NEO1: variants seen among roughly 807,000 people sequenced by gnomAD.
NEO1 encodes neogenin 1, also known as neogenin.
NEO1 carries 63 observed loss-of-function variants against 159.7 expected under a neutral mutation model. That is an observed-to-expected ratio of 0.39 (90% confidence interval 0.32 to 0.49). NEO1 has a LOEUF of 0.49. Ranked by LOEUF, NEO1 falls within the 20% of genes least tolerant of loss-of-function variation. The pLI is 0.85. For synonymous variants in NEO1, 633 were observed against 662.0 expected, an observed-to-expected ratio of 0.96 and a Z score of 0.67; for missense variants, 1,615 against 1,831.0, an observed-to-expected ratio of 0.88 and a Z score of 2.15.
intron 7 of NEO1, among the ~76,000 whole-genome samples, chr15:73,186,786 C>T (rs1218710258): frequency 3.3e-5 from 5 of 152,018 alleles, no homozygotes; most frequent in Admixed American, 6.6e-5. Context: ...TAGGGTAACA[C>T]GCAACAAAAT....
chr15:73,237,933 A>G lies in NEO1; in HGVS notation c.1451+1427A>G, dbSNP rs546907296. On this transcript the variant is annotated intron_variant, in intron 8 of 28. Transcript: ENST00000261908. ...GTTCTACCAGAAATGCATTTTCCTC[A>G]CATGAGTTACATCTGGCTTCTTATC... Among the ~76,000 whole-genome samples the G allele has an allele frequency of 2.0e-5, 3 of 152,302 alleles. No homozygotes were observed. The South Asian group carries it at 6.2e-4, about 32-fold the overall frequency.
intron 5 of NEO1, among the ~76,000 whole-genome samples, chr15:73,176,115 T>A (rs1334985257): frequency 1.3e-5 from 2 of 152,240 alleles, no homozygotes; most frequent in African/African-American, 4.8e-5. Context: ...TTTTTAGACA[T>A]TTTTAATTTC....
intron 1 of NEO1, among the ~76,000 whole-genome samples, chr15:73,055,053 T>TA (rs1448100175): frequency 6.6e-6 from 1 of 152,072 alleles, no homozygotes; most frequent in African/African-American, 2.4e-5. Context: ...GTTATAGACA[T>TA]ACGGAGGTGG....
intron 5 of NEO1, among the ~76,000 whole-genome samples, chr15:73,171,752 C>T (rs920614164): frequency 2.1e-4 from 32 of 151,648 alleles, no homozygotes; most frequent in African/African-American, 6.5e-4. Context: ...AGCGATTCTC[C>T]GGTCTCAGCC....
At chr15:73,180,270 C>T (rs566641678) in intron 7 of NEO1, among the ~76,000 whole-genome samples, 1 of 152,274 alleles carries the variant, frequency 6.6e-6, no homozygotes, top group East Asian at 1.9e-4. Context: ...TTTTCACTAA[C>T]ATGGCATATA....
intron 1 of NEO1, among the ~76,000 whole-genome samples, chr15:73,103,295 T>TAG (rs1383397697): frequency 6.6e-6 from 1 of 152,214 alleles, no homozygotes; most frequent in Non-Finnish European, 1.5e-5. Context: ...CAACTCTTCT[T>TAG]AACTTCCAAA....
At chr15:73,281,298 C>T (rs933946061) in intron 22 of NEO1, among the ~76,000 whole-genome samples, 3 of 151,310 alleles carry the variant, frequency 2.0e-5, no homozygotes, top group African/African-American at 7.3e-5. Context: ...CTCTGTCGCC[C>T]AGGCTGGAGT....
At chr15:73,198,813 A>G (rs566944720) in intron 7 of NEO1, among the ~76,000 whole-genome samples, 63 of 151,966 alleles carry the variant, frequency 4.1e-4, no homozygotes, top group African/African-American at 1.3e-3. Flanking sequence ...TTCTGTCTAT[A>G]TTGTTAAGAA....
chr15:73,220,300 G>A (rs935154912), intron 7 of NEO1, among the ~76,000 whole-genome samples: 12 of 152,220 alleles, frequency 7.9e-5, no homozygotes, highest in African/African-American at 2.7e-4. Flanking sequence ...GAGATCCACT[G>A]TTAGTCTGAT....
At chr15:73,145,777 A>C (rs574212002) in intron 5 of NEO1, among the ~76,000 whole-genome samples, 5 of 152,180 alleles carry the variant, frequency 3.3e-5, no homozygotes, top group Non-Finnish European at 7.3e-5. Context: ...CCAATTAGGA[A>C]GAAGCTTTAT....
chr15:73,227,019 C>T (rs1382859421), intron 7 of NEO1, among the ~76,000 whole-genome samples: 1 of 152,128 alleles, frequency 6.6e-6, no homozygotes, highest in African/African-American at 2.4e-5. Context: ...TAATGATCTC[C>T]ACCTTCAGAA....
At chr15:73,066,035 C>CTTTTTTTTTTTTTTTTTTTT (rs11400510) in intron 1 of NEO1, among the ~76,000 whole-genome samples, 1 of 139,766 alleles carries the variant, frequency 7.2e-6, no homozygotes, top group African/African-American at 2.6e-5. Context: ...TCTTTCTTTT[C>CTTTTTTTTTTTTTTTTTTTT]TTTTTTTTTT....
intron 16 of NEO1, among the ~76,000 whole-genome samples, chr15:73,266,630 T>A (rs546683225): frequency 1.4e-4 from 22 of 152,330 alleles, no homozygotes; most frequent in African/African-American, 5.1e-4. Context: ...TAAGCCATTC[T>A]GTGTAGATAT....
At chr15:73,179,434 G>A (rs1337269064) in intron 7 of NEO1, among the ~76,000 whole-genome samples, 1 of 152,124 alleles carries the variant, frequency 6.6e-6, no homozygotes, top group Admixed American at 6.6e-5. Flanking sequence ...CTTGAGGGTT[G>A]GGGAAAGCTG....
At chr15:73,097,776 CTTTTTT>C (rs34165169) in intron 1 of NEO1, among the ~76,000 whole-genome samples, 4 of 75,540 alleles carry the variant, frequency 5.3e-5, no homozygotes, top group African/African-American at 1.7e-4. Context: ...TGGAACTAGC[CTTTTTT>C]TTTTTTTTTT....
At chr15:73,241,983 C>T (rs977389815) in intron 8 of NEO1, among the ~76,000 whole-genome samples, 17 of 152,062 alleles carry the variant, frequency 1.1e-4, no homozygotes, top group Admixed American at 8.5e-4. Context: ...GGCAGATTTT[C>T]GTTTATTCAT....
chr15:73,077,353 T>G (rs756271830), intron 1 of NEO1, among the ~76,000 whole-genome samples: 7 of 152,226 alleles, frequency 4.6e-5, no homozygotes, highest in Non-Finnish European at 8.8e-5. Flanking sequence ...TTGTCATAAC[T>G]ACATTCTAAT....
At chr15:73,133,985 T>C (rs2031452548) in intron 4 of NEO1, among the ~76,000 whole-genome samples, 2 of 152,234 alleles carry the variant, frequency 1.3e-5, no homozygotes, top group African/African-American at 4.8e-5. Flanking sequence ...CTTTCAAAAA[T>C]GACAACTAGT....
intron 7 of NEO1, among the ~76,000 whole-genome samples, chr15:73,194,732 A>G (rs371629625): frequency 3.3e-5 from 5 of 152,334 alleles, no homozygotes; most frequent in African/African-American, 7.2e-5. Flanking sequence ...TATACATGGT[A>G]CATATTTATT....
Sources: gnomAD v4.1 joint callset for allele counts (sites outside exome capture counted in the v4.1 genomes callset) on GRCh38, gnomAD v4.1.1 for gene constraint, MANE v1.5 for transcripts, NCBI Gene and HGNC (gene_info 2026-07-23, HGNC 2026-07-21) for gene names.